The following RCC1 variants were observed in gnomAD, a reference collection of about 807,000 sequenced individuals.
RCC1 encodes regulator of chromosome condensation 1.
Under a neutral mutation model 44.4 loss-of-function variants are expected in RCC1, and 11 were observed. That is an observed-to-expected ratio of 0.25 (90% CI 0.16 to 0.41). The LOEUF (loss-of-function observed/expected upper bound fraction) is 0.41, where lower values mean the gene tolerates loss of function less well. Ranked by LOEUF, RCC1 falls within the 10% of genes least tolerant of loss-of-function variation. The probability of loss-of-function intolerance (pLI) is 1.00; values close to 1 mark genes in which losing one functional copy is unlikely to be tolerated. For synonymous variants in RCC1, 213 were observed against 216.5 expected (o/e 0.98, Z 0.14); for missense variants, 386 against 547.1 (o/e 0.71, Z 2.94).
chr1:28,523,625 C>T (rs377368470), intron 4 of RCC1, among the ~76,000 whole-genome samples: 2 of 152,278 alleles, frequency 1.3e-5, no homozygotes, highest in Admixed American at 6.5e-5. Context: ...GGGCTGTGCT[C>T]ATGGCAGCCC....
At chr1:28,517,212 T>A (rs533493479) in intron 4 of RCC1, among the ~76,000 whole-genome samples, 2 of 152,100 alleles carry the variant, frequency 1.3e-5, no homozygotes, top group Non-Finnish European at 2.9e-5. Context: ...AGAGTCTGAA[T>A]CAACATGAAA....
intron 2 of RCC1, chr1:28,508,604 A>AGTG: frequency 3.9e-6 from 2 of 518,796 alleles, no homozygotes; most frequent in Non-Finnish European, 7.7e-6. Flanking sequence ...GCTCTGTCCA[A>AGTG]GTGGCATAGG....
chr1:28,514,139 A>T (rs1455764565), intron 3 of RCC1, among the ~76,000 whole-genome samples: 4 of 151,608 alleles, frequency 2.6e-5, no homozygotes, highest in South Asian at 4.2e-4. Context: ...CCTAGGCAAC[A>T]GAGCAAGACT....
chr1:28,538,114 G>GT lies in RCC1; in HGVS notation c.*108dup. 1 of 968,722 alleles carries GT rather than the reference G, an allele frequency of 1.0e-6. No individual in the cohort carries two copies. Among genetic ancestry groups the GT allele is most frequent in the Non-Finnish European group, 1.5e-6 (1 of 663,500 alleles). 60.0% of individuals were successfully genotyped at this position (968,722 alleles called of 1,614,324 possible). A position where few individuals can be genotyped will look rare whatever the true frequency, so the allele number is the denominator to read the frequency against. The stretch of plus-strand genomic sequence containing the variant: ...GGGCCTCTCCCCAGCCCTGAGCACT[G>GT]TGTCAGTTCCTGCCTTTTCTCATCA... On this transcript the variant is annotated 3_prime_UTR_variant, in exon 13 of 13. Coordinates refer to ENST00000683442, the MANE Select transcript of RCC1 (RefSeq NM_001381865.2).
chr1:28,514,147 A>T (rs1402172254), intron 3 of RCC1, among the ~76,000 whole-genome samples: 1 of 147,332 alleles, frequency 6.8e-6, no homozygotes, highest in East Asian at 2.0e-4. Context: ...ACAGAGCAAG[A>T]CTCCGTCTCA....
At chr1:28,533,267 C>T (rs1462206453) in intron 7 of RCC1, among the ~76,000 whole-genome samples, 2 of 150,522 alleles carry the variant, frequency 1.3e-5, no homozygotes, top group East Asian at 2.0e-4. Context: ...GTCAGGAGAT[C>T]GAGACCATAC....
At chr1:28,530,708 G>C in intron 5 of RCC1, 1 of 1,063,314 alleles carries the variant, frequency 9.4e-7, no homozygotes, top group Non-Finnish European at 1.3e-6. Flanking sequence ...GCCATTGGCT[G>C]CCCGGGGCTG....
rs1196253408 is a variant in RCC1 at position 28,519,608 on chromosome 1, C to G, written c.-10+2741C>G. Reference sequence around the variant, plus strand: ...TGAGACGGAGTTTCCACTCTTATTACCCAGGCTGGAGTGCAGTGGCGCGAT... The same window carrying G: ...TGAGACGGAGTTTCCACTCTTATTAGCCAGGCTGGAGTGCAGTGGCGCGAT... On this transcript the variant is annotated intron_variant, in intron 4 of 12. Coordinates refer to ENST00000683442, the MANE Select transcript of RCC1 (RefSeq NM_001381865.2). 2.0e-5 allele frequency among the ~76,000 whole-genome samples: 3 copies of G among 151,692 alleles called. No individual in the cohort carries two copies. In the East Asian group the frequency reaches 5.8e-4, roughly 29 times the overall value.
intron 4 of RCC1, among the ~76,000 whole-genome samples, chr1:28,524,034 C>T (rs1374959946): frequency 1.3e-5 from 2 of 152,172 alleles, no homozygotes; most frequent in Non-Finnish European, 2.9e-5. Flanking sequence ...AGGCTGGTCT[C>T]GAACTCCTGA....
intron 5 of RCC1, 42 bp from the exon 6 acceptor site, chr1:28,531,761 C>T (rs368626154): frequency 1.6e-5 from 23 of 1,461,546 alleles, no homozygotes; most frequent in Middle Eastern, 2.0e-4. Flanking sequence ...TCCTCGCTGT[C>T]GTCATCCTCT....
At chr1:28,509,105 CAT>C (rs1327552974) in intron 3 of RCC1, 200 bp downstream of exon 3, 2 of 337,014 alleles carry the variant, frequency 5.9e-6, no homozygotes, top group East Asian at 1.6e-4. Flanking sequence ...GCCCAGCCCT[CAT>C]ACCTCTTTTA....
chr1:28,518,718 T>C (rs1195764237), intron 4 of RCC1: 1 of 151,766 alleles, frequency 6.6e-6, no homozygotes, highest in African/African-American at 2.4e-5. Flanking sequence ...AGAAGGCGGT[T>C]TGCAGATCGG....
At chr1:28,533,835 CTTTTCTTTTCTTTTTTTTTTTTTT>C (rs1664350243) in intron 7 of RCC1, among the ~76,000 whole-genome samples, 1 of 34,908 alleles carries the variant, frequency 2.9e-5, no homozygotes, top group African/African-American at 8.1e-5. Context: ...TTTTTCTTTT[CTTTTCTTTTCTTTTTTTTTTTTTT>C]TTTTTTTTTT....
At chr1:28,516,671 G>A (rs1430052501) in intron 3 of RCC1, 54 bp from the exon 4 acceptor site, 1 of 307,806 alleles carries the variant, frequency 3.2e-6, no homozygotes, top group African/African-American at 2.2e-5. Context: ...CAAAATAAAG[G>A]GTCTTACAAA....
chr1:28,526,322 C>T (rs1663661736), intron 4 of RCC1: 3 of 293,824 alleles, frequency 1.0e-5, no homozygotes, highest in African/African-American at 4.4e-5. Context: ...AAAACAAGTA[C>T]TTGATGACTC....
intron 4 of RCC1, among the ~76,000 whole-genome samples, chr1:28,518,470 G>A (rs1156253639): frequency 6.6e-6 from 1 of 150,892 alleles, no homozygotes; most frequent in African/African-American, 2.4e-5. Flanking sequence ...AGGAAGGCGC[G>A]GTGCGGGCTC....
intron 3 of RCC1, among the ~76,000 whole-genome samples, chr1:28,513,670 G>A (rs368386442): frequency 1.3e-5 from 2 of 151,940 alleles, no homozygotes; most frequent in Non-Finnish European, 2.9e-5. Flanking sequence ...CCTTAAACTG[G>A]AACTCCTGGG....
At position 28,538,333 on chromosome 1, in the gene RCC1, C is replaced by G. The variant is rs1434480226; in HGVS notation, c.*326C>G. 5.3e-6 allele frequency: 1 copy of G among 187,152 alleles called. No individual in the cohort carries two copies. The allele number at this position is 187,152 out of a possible 1,614,324, so 11.6% of individuals were successfully genotyped here. On this transcript the variant is annotated 3_prime_UTR_variant, in exon 13 of 13. Transcript: ENST00000683442. ...GCCCTGGCTTTGCCTACTAGAAAACCAAAACTTCCCCCCTGGGGTTTTGTG... is the reference window on the plus strand; with the variant it reads ...GCCCTGGCTTTGCCTACTAGAAAACGAAAACTTCCCCCCTGGGGTTTTGTG...
chr1:28,522,792 G>A (rs1663369106), intron 4 of RCC1, among the ~76,000 whole-genome samples: 1 of 151,826 alleles, frequency 6.6e-6, no homozygotes, highest in Admixed American at 6.6e-5. Context: ...TACAGCCTGG[G>A]CAACAGAGTG....
Sources: allele counts gnomAD v4.1 joint callset (sites outside exome capture counted in the v4.1 genomes callset), GRCh38; gene constraint gnomAD v4.1.1; transcripts MANE v1.5; gene names NCBI Gene and HGNC (gene_info 2026-07-23, HGNC 2026-07-21).